The following PTPRD variants were observed in gnomAD, a reference collection of about 807,000 sequenced individuals.
The protein encoded by PTPRD is protein tyrosine phosphatase receptor type D.
PTPRD carries 34 observed loss-of-function variants against 214.5 expected under a neutral mutation model. The ratio of observed to expected loss-of-function variants is 0.16; its 90% CI spans 0.12 to 0.21. The LOEUF is 0.21. PTPRD is among the 10% of genes least tolerant of loss of function. The pLI is 1.00. For synonymous variants in PTPRD, 1,128 were observed against 845.7 expected (o/e 1.33, Z -5.79); for missense variants, 2,545 against 2,398.7 (o/e 1.06, Z -1.27).
At chr9:10,385,899 A>G (rs1417696824) in intron 2 of PTPRD, among the ~76,000 whole-genome samples, 1 of 151,876 alleles carries the variant, frequency 6.6e-6, no homozygotes, top group African/African-American at 2.4e-5. Flanking sequence ...AGAGATAATT[A>G]TATTTTTTAC....
chr9:10,390,421 G>C (rs1224732942), intron 2 of PTPRD, among the ~76,000 whole-genome samples: 4 of 151,772 alleles, frequency 2.6e-5, no homozygotes, highest in Non-Finnish European at 5.9e-5. Flanking sequence ...GGTTACCTGA[G>C]AGTCGGTAAA....
intron 2 of PTPRD, among the ~76,000 whole-genome samples, chr9:10,512,624 A>G (rs1190679905): frequency 1.3e-5 from 2 of 152,126 alleles, no homozygotes; most frequent in African/African-American, 2.4e-5. Flanking sequence ...TCAGGTTTCT[A>G]TTTTATTTCT....
intron 11 of PTPRD, among the ~76,000 whole-genome samples, chr9:8,737,232 A>C (rs1353804915): frequency 6.6e-6 from 1 of 152,210 alleles, no homozygotes; most frequent in Non-Finnish European, 1.5e-5. Context: ...ATGCAGGTAT[A>C]AACATACATA....
intron 9 of PTPRD, among the ~76,000 whole-genome samples, chr9:9,364,568 C>A (rs900576662): frequency 4.0e-5 from 6 of 151,294 alleles, no homozygotes; most frequent in African/African-American, 1.5e-4. Flanking sequence ...AAAGAAAAGT[C>A]CTAGGCTGAG....
At chr9:9,475,072 C>T (rs10115772) in intron 8 of PTPRD, among the ~76,000 whole-genome samples, 9 of 152,176 alleles carry the variant, frequency 5.9e-5, no homozygotes, top group African/African-American at 2.2e-4. Flanking sequence ...ATCACTCTAA[C>T]TATAGCCAGG....
intron 9 of PTPRD, among the ~76,000 whole-genome samples, chr9:9,263,157 T>C (rs2099980873): frequency 6.6e-6 from 1 of 151,702 alleles, no homozygotes; most frequent in Admixed American, 6.6e-5. Flanking sequence ...ACTAATGAAA[T>C]CTTGTTTTCT....
intron 11 of PTPRD, among the ~76,000 whole-genome samples, chr9:8,799,175 T>C: frequency 6.6e-6 from 1 of 152,224 alleles, no homozygotes; most frequent in East Asian, 1.9e-4. Context: ...TTGTCTGTTT[T>C]AAAATAAATG....
intron 4 of PTPRD, among the ~76,000 whole-genome samples, chr9:9,962,528 T>C (rs1185552636): frequency 6.6e-6 from 1 of 151,822 alleles, no homozygotes; most frequent in Non-Finnish European, 1.5e-5. Flanking sequence ...CATTAAGCCA[T>C]TAAGCCACAG....
intron 11 of PTPRD, among the ~76,000 whole-genome samples, chr9:8,922,741 G>A (rs935677197): frequency 2.6e-5 from 4 of 152,092 alleles, no homozygotes; most frequent in African/African-American, 9.7e-5. Flanking sequence ...CCGCCTCCCG[G>A]GTTCAAGCAA....
chr9:10,143,943 A>G (rs1188286544), intron 3 of PTPRD, among the ~76,000 whole-genome samples: 1 of 152,086 alleles, frequency 6.6e-6, no homozygotes, highest in Non-Finnish European at 1.5e-5. Context: ...GAAACTACCT[A>G]TTAGGTACAA....
At chr9:10,422,616 C>A (rs1587867891) in intron 2 of PTPRD, among the ~76,000 whole-genome samples, 1 of 151,924 alleles carries the variant, frequency 6.6e-6, no homozygotes, top group East Asian at 2.0e-4. Flanking sequence ...AGAAAAAAAA[C>A]AAACAACCCC....
chr9:10,506,704 C>T (rs552037159), intron 2 of PTPRD, among the ~76,000 whole-genome samples: 3 of 152,136 alleles, frequency 2.0e-5, no homozygotes, highest in African/African-American at 4.8e-5. Flanking sequence ...GCCACAGTTT[C>T]CTGCAATCAG....
intron 3 of PTPRD, among the ~76,000 whole-genome samples, chr9:10,176,331 T>C (rs943813224): frequency 6.6e-6 from 1 of 151,870 alleles, no homozygotes; most frequent in Non-Finnish European, 1.5e-5. Context: ...CTTTTAGGAA[T>C]GTAAAAAGCT....
chr9:9,207,375 A>T (rs1402700026), intron 9 of PTPRD, among the ~76,000 whole-genome samples: 1 of 152,192 alleles, frequency 6.6e-6, no homozygotes, highest in Non-Finnish European at 1.5e-5. Flanking sequence ...ATGTCAGTAA[A>T]TGAACTGCCT....
intron 3 of PTPRD, among the ~76,000 whole-genome samples, chr9:10,154,083 C>A (rs1342698552): frequency 6.6e-6 from 1 of 152,104 alleles, no homozygotes; most frequent in Non-Finnish European, 1.5e-5. Context: ...TTAATTTACA[C>A]TCCCTACAAC....
At chr9:10,167,544 T>C (rs1213659064) in intron 3 of PTPRD, among the ~76,000 whole-genome samples, 5 of 152,210 alleles carry the variant, frequency 3.3e-5, no homozygotes, top group Non-Finnish European at 7.4e-5. Context: ...TACTCTTTTC[T>C]GAACTGTAAT....
chr9:10,486,204 A>G (rs2099131914), intron 2 of PTPRD, among the ~76,000 whole-genome samples: 1 of 152,028 alleles, frequency 6.6e-6, no homozygotes, highest in African/African-American at 2.4e-5. Flanking sequence ...CCATTTGTCA[A>G]TGTTGGCTTT....
chr9:8,556,382 T>C (rs2083756256), intron 14 of PTPRD, among the ~76,000 whole-genome samples: 1 of 152,188 alleles, frequency 6.6e-6, no homozygotes, highest in African/African-American at 2.4e-5. Flanking sequence ...TGTGACTAAA[T>C]GTGTAATATA....
chr9:9,711,218 T>TA lies in PTPRD; in HGVS notation c.-287+23314dup, dbSNP rs138665297. Among the ~76,000 whole-genome samples, 1,181 of 152,302 alleles carry TA rather than the reference T, an allele frequency of 7.8e-3. 12 individuals are homozygous for TA. Among genetic ancestry groups the TA allele is most frequent in the African/African-American group, 0.027 (1,133 of 41,570 alleles). ...GAAGTGATTTAAGTGCTTGAATCTTTAAAAAATGCAGTGATGTGTTTGTGA... is the reference window on the plus strand; with the variant it reads ...GAAGTGATTTAAGTGCTTGAATCTTTAAAAAAATGCAGTGATGTGTTTGTGA... On this transcript the variant is annotated intron_variant, in intron 7 of 45. Transcript: ENST00000381196.
Sources: gnomAD v4.1 joint callset for allele counts (sites outside exome capture counted in the v4.1 genomes callset) on GRCh38, gnomAD v4.1.1 for gene constraint, MANE v1.5 for transcripts, NCBI Gene and HGNC (gene_info 2026-07-23, HGNC 2026-07-21) for gene names.